Variants in LRP1B observed in about 807,000 individuals in gnomAD.
LRP1B encodes LDL receptor related protein 1B.
LRP1B carries 217 observed loss-of-function variants against 556.6 expected under a neutral mutation model. The observed-to-expected ratio is 0.39, with a 90% confidence interval of 0.35 to 0.44. The LOEUF is 0.44. LRP1B is among the 20% of genes least tolerant of loss of function. The probability of loss-of-function intolerance (pLI) is 1.00; values close to 1 mark genes in which losing one functional copy is unlikely to be tolerated. For missense variants in LRP1B, 5,053 were observed against 5,620.8 expected (o/e 0.90, Z 3.23); for synonymous variants, 2,047 against 1,865.8 (o/e 1.10, Z -2.50).
rs1238851210 is a variant in LRP1B at position 140,357,312 on chromosome 2, A to T, written c.11395+667T>A. Reference sequence around the variant, plus strand: ...AGTGGAATGATACCATGGTTTAGACACATGCAGCCATATCCTGGTGGGTAT... The same window carrying T: ...AGTGGAATGATACCATGGTTTAGACTCATGCAGCCATATCCTGGTGGGTAT... On this transcript the variant is annotated intron_variant, in intron 74 of 90. Coordinates refer to ENST00000389484, the MANE Select transcript of LRP1B (RefSeq NM_018557.3). Among the ~76,000 whole-genome samples the T allele has an allele frequency of 2.0e-5, 3 of 151,786 alleles. No homozygotes were observed. The Admixed American group carries it at 2.0e-4, about 10-fold the overall frequency.
At chr2:140,956,069 T>C (rs1439045963) in intron 18 of LRP1B, among the ~76,000 whole-genome samples, 1 of 151,716 alleles carries the variant, frequency 6.6e-6, no homozygotes, top group Non-Finnish European at 1.5e-5. Flanking sequence ...CGAGTCCAGA[T>C]TTAGGAAAGT....
chr2:140,392,115 C>T (rs1573882489), intron 66 of LRP1B, among the ~76,000 whole-genome samples: 2 of 152,152 alleles, frequency 1.3e-5, no homozygotes, highest in African/African-American at 4.8e-5. Flanking sequence ...ACCCTAAAAT[C>T]ACTAAGACAA....
chr2:141,437,387 T>A (rs926917779), intron 3 of LRP1B, among the ~76,000 whole-genome samples: 4 of 151,992 alleles, frequency 2.6e-5, no homozygotes, highest in Non-Finnish European at 4.4e-5. Context: ...GCTGTTTGAA[T>A]AGGAGAAAGG....
chr2:141,971,234 T>C (rs902548274), intron 1 of LRP1B, among the ~76,000 whole-genome samples: 1 of 151,526 alleles, frequency 6.6e-6, no homozygotes, highest in African/African-American at 2.4e-5. Flanking sequence ...TTCACACGTG[T>C]ATCTTAGAAA....
intron 1 of LRP1B, among the ~76,000 whole-genome samples, chr2:141,965,347 A>G (rs1701527614): frequency 3.1e-5 from 1 of 32,426 alleles, no homozygotes; most frequent in Non-Finnish European, 5.8e-5. Flanking sequence ...GAACCAACCC[A>G]AATGTCCAAC....
In LRP1B at chr2:141,783,197, A is replaced by G. The variant is rs564374455; in HGVS notation, c.205+27082T>C. On this transcript the variant is annotated intron_variant, in intron 2 of 90. Transcript: ENST00000389484. ...CAGATAATTTACCGTATCCCCAGCC[A>G]CCCATTAGCACTCTCCTGCTCTTAG... is the stretch of plus-strand genomic sequence containing the variant. 2.0e-5 allele frequency among the ~76,000 whole-genome samples: 3 copies of G among 152,130 alleles called. No homozygotes were observed. The South Asian group carries it at 6.2e-4, about 32-fold the overall frequency.
rs187893371 is a variant in LRP1B at position 141,826,658 on chromosome 2, C to A, written c.83-16257G>T. The stretch of plus-strand genomic sequence containing the variant: ...ACAGGCAAGAGCCACCACGCCCGAC[C>A]AGAAGTTTTAAAAAATAGGTAATAG... On this transcript the variant is annotated intron_variant, in intron 1 of 90. Transcript: ENST00000389484. 4.6e-4 allele frequency among the ~76,000 whole-genome samples: 70 copies of A among 152,194 alleles called. No homozygotes were observed. The South Asian group carries it at 0.014, about 31-fold the overall frequency.
intron 29 of LRP1B, among the ~76,000 whole-genome samples, chr2:140,843,989 T>C (rs1692197763): frequency 6.6e-6 from 1 of 152,132 alleles, no homozygotes; most frequent in Admixed American, 6.6e-5. Flanking sequence ...GTATGTGAAC[T>C]GAGCTAAAAT....
chr2:141,817,820 A>G (rs1696612113), intron 1 of LRP1B, among the ~76,000 whole-genome samples: 1 of 152,162 alleles, frequency 6.6e-6, no homozygotes, highest in Non-Finnish European at 1.5e-5. Context: ...TATTGAATGT[A>G]TAAAAGGACA....
intron 6 of LRP1B, among the ~76,000 whole-genome samples, chr2:141,206,597 T>A (rs1318699885): frequency 6.8e-6 from 1 of 148,020 alleles, no homozygotes; most frequent in African/African-American, 2.5e-5. Context: ...AAAAAAAAAA[T>A]AAAGAATCGC....
intron 3 of LRP1B, among the ~76,000 whole-genome samples, chr2:141,436,495 G>T (rs1280211377): frequency 6.6e-6 from 1 of 152,040 alleles, no homozygotes; most frequent in African/African-American, 2.4e-5. Context: ...ATCTCTATTT[G>T]CTTAATGTCC....
rs77517117 is a variant in LRP1B at position 141,908,102 on chromosome 2, G to A, written c.83-97701C>T. Among the ~76,000 whole-genome samples, 72 of 152,066 alleles carry A rather than the reference G, an allele frequency of 4.7e-4. No individual in the cohort carries two copies. The East Asian group carries it at 0.014, about 29-fold the overall frequency. On this transcript the variant is annotated intron_variant, in intron 1 of 90. Transcript: ENST00000389484. ...GTAAATCTAGGCATTATGGAAACAC[G>A]TAAAGGGGAAAATAAAGATAGGCAT...
At chr2:141,092,457 T>C (rs1700192635) in intron 7 of LRP1B, among the ~76,000 whole-genome samples, 1 of 152,214 alleles carries the variant, frequency 6.6e-6, no homozygotes, top group Non-Finnish European at 1.5e-5. Context: ...ACTATATGTT[T>C]GGATGTACAC....
chr2:141,923,487 T>TGTAG lies in LRP1B; in HGVS notation c.83-113087_83-113086insCTAC, dbSNP rs1553485502. Among the ~76,000 whole-genome samples, 145 of 58,354 alleles carry TGTAG rather than the reference T, an allele frequency of 2.5e-3. 1 individual carries two copies. Among genetic ancestry groups the TGTAG allele is most frequent in the East Asian group, 0.01 (17 of 1,688 alleles). The allele number at this position is 58,354 out of a possible 152,430, so 38.3% of individuals were successfully genotyped here. On this transcript the variant is annotated intron_variant, in intron 1 of 90. Coordinates refer to ENST00000389484, the MANE Select transcript of LRP1B (RefSeq NM_018557.3). ...GTGTGTGTGTGTGTGTGTGTGTGTG[T>TGTAG]AGAGAGAGGGAGGGAGGGGGAGAGA...
Position 140,598,643 on chromosome 2 carries a change from T to C in LRP1B, c.7182A>G (p.Gly2394=). ...LGKIERCEYD[G]SQRHVIVKSG... is the part of the protein sequence containing the mutation. ...CTGATTAACTTACATGTCTCTGGGA[T>C]CCATCGTATTCACACCTTTCAATTT... The change falls in exon 43 of 91, where the codon GGA becomes GGG. Residue 2394 remains glycine (G), a synonymous_variant. Transcript: ENST00000389484. 1 of 1,612,648 alleles carries C rather than the reference T, an allele frequency of 6.2e-7. No homozygotes were observed. The highest frequency in any genetic ancestry group is 8.5e-7 in the Non-Finnish European group (1 of 1,178,850).
intron 3 of LRP1B, among the ~76,000 whole-genome samples, chr2:141,450,257 A>G (rs547658662): frequency 2.2e-4 from 34 of 152,306 alleles, no homozygotes; most frequent in African/African-American, 7.2e-4. Flanking sequence ...GTTCTGATAT[A>G]CAAGCTAATA....
chr2:141,466,109 G>C, intron 3 of LRP1B, among the ~76,000 whole-genome samples: 1 of 149,774 alleles, frequency 6.7e-6, no homozygotes, highest in East Asian at 2.0e-4. Flanking sequence ...GGCTGGTCTT[G>C]AACTCCTGAC....
chr2:140,638,984 G>GA (rs1379992071), intron 41 of LRP1B, among the ~76,000 whole-genome samples: 4 of 149,436 alleles, frequency 2.7e-5, no homozygotes, highest in South Asian at 2.1e-4. Context: ...TCTCCAACGA[G>GA]AAAAAAAAAT....
chr2:140,951,508 C>G (rs1233077945), intron 19 of LRP1B, among the ~76,000 whole-genome samples: 1 of 152,120 alleles, frequency 6.6e-6, no homozygotes, highest in African/African-American at 2.4e-5. Context: ...AATTTCATAG[C>G]AATGTATAAG....
Sources: gnomAD v4.1 joint callset for allele counts (sites outside exome capture counted in the v4.1 genomes callset) on GRCh38, gnomAD v4.1.1 for gene constraint, MANE v1.5 for transcripts, NCBI Gene and HGNC (gene_info 2026-07-23, HGNC 2026-07-21) for gene names.